The following EFCAB6 variants were observed in gnomAD, a reference collection of about 807,000 sequenced individuals.
EFCAB6 encodes EF-hand calcium binding domain 6.
Under a neutral mutation model 169.8 loss-of-function variants are expected in EFCAB6, and 156 were observed. The observed-to-expected ratio is 0.92, with a 90% CI of 0.81 to 1.05. The LOEUF is 1.05. EFCAB6 is among the 50% of genes least tolerant of loss of function. The pLI is 0.00. For synonymous variants in EFCAB6, 698 were observed against 676.4 expected (o/e 1.03, Z -0.50); for missense variants, 1,800 against 1,829.1 (o/e 0.98, Z 0.29).
chr22:43,723,735 T>C (rs2059620737), intron 8 of EFCAB6, among the ~76,000 whole-genome samples: 1 of 152,186 alleles, frequency 6.6e-6, no homozygotes, highest in Admixed American at 6.5e-5. Flanking sequence ...ATAAGCCACA[T>C]CTGGGCCCAC....
At chr22:43,542,444 G>A (rs903868894) in intron 27 of EFCAB6, among the ~76,000 whole-genome samples, 4 of 152,222 alleles carry the variant, frequency 2.6e-5, no homozygotes, top group Non-Finnish European at 4.4e-5. Flanking sequence ...GCTGGGCGTG[G>A]TGGCAGGAGC....
chr22:43,560,426 A>C (rs576555242), intron 26 of EFCAB6, among the ~76,000 whole-genome samples: 22 of 152,362 alleles, frequency 1.4e-4, no homozygotes, highest in African/African-American at 5.0e-4. Context: ...GTGAGTGGGA[A>C]CTAAGTCTCT....
chr22:43,648,132 G>T (rs1319031216), intron 17 of EFCAB6, among the ~76,000 whole-genome samples: 2 of 151,918 alleles, frequency 1.3e-5, no homozygotes, highest in African/African-American at 2.4e-5. Context: ...TATATCATAT[G>T]TATATGATAT....
At chr22:43,615,617 C>T (rs1273462143) in intron 21 of EFCAB6, among the ~76,000 whole-genome samples, 1 of 152,204 alleles carries the variant, frequency 6.6e-6, no homozygotes, top group Non-Finnish European at 1.5e-5. Flanking sequence ...GTAACTCCAA[C>T]AATTCCTTAT....
chr22:43,780,472 G>C (rs2061784509), intron 3 of EFCAB6, among the ~76,000 whole-genome samples: 1 of 104,922 alleles, frequency 9.5e-6, no homozygotes, highest in African/African-American at 3.9e-5. Context: ...GGATGACAGA[G>C]TAAGACTCTG....
At chr22:43,636,845 C>T (rs1036245951) in intron 17 of EFCAB6, among the ~76,000 whole-genome samples, 28 of 152,018 alleles carry the variant, frequency 1.8e-4, no homozygotes, top group African/African-American at 5.3e-4. Flanking sequence ...CTCCTGACCT[C>T]GTGATCCGCC....
chr22:43,712,246 G>A (rs895719272), intron 9 of EFCAB6, among the ~76,000 whole-genome samples: 3 of 152,048 alleles, frequency 2.0e-5, no homozygotes, highest in African/African-American at 4.8e-5. Flanking sequence ...CTGTGAAGAC[G>A]GGTTTTATTT....
chr22:43,572,549 GC>G lies in EFCAB6; in HGVS notation c.3420+3747del, dbSNP rs1341575113. Among the ~76,000 whole-genome samples, 3 of 152,118 alleles carry G rather than the reference GC, an allele frequency of 2.0e-5. No individual in the cohort carries two copies. Among genetic ancestry groups the G allele is most frequent in the African/African-American group, 7.2e-5 (3 of 41,414 alleles). ...GGCCGCCTGGCTCCTTCGCTCCCTG[GC>G]CCCATCTCCTTAGACCTCTCCTTCA... On this transcript the variant is annotated intron_variant, in intron 26 of 31. Transcript: ENST00000262726. This position sits in a 1 kb window ranked among gnomAD's most constrained non-coding sequence, Gnocchi z 4.0.
chr22:43,697,183 A>G (rs576301247), intron 10 of EFCAB6, among the ~76,000 whole-genome samples: 11 of 152,352 alleles, frequency 7.2e-5, no homozygotes, highest in Admixed American at 4.6e-4. Context: ...CCAGCTTAAG[A>G]ATAAATTAAC....
At chr22:43,547,269 G>A (rs1329965248) in intron 27 of EFCAB6, among the ~76,000 whole-genome samples, 5 of 152,108 alleles carry the variant, frequency 3.3e-5, no homozygotes, top group Non-Finnish European at 7.3e-5. Flanking sequence ...CCTACAGGCA[G>A]GTGAACAAAA....
chr22:43,577,998 CACTA>C (rs760894520), intron 25 of EFCAB6, among the ~76,000 whole-genome samples: 32 of 152,182 alleles, frequency 2.1e-4, no homozygotes, highest in African/African-American at 6.5e-4. Flanking sequence ...AAAGTCATGA[CACTA>C]ACTAAGGTCG....
intron 19 of EFCAB6, among the ~76,000 whole-genome samples, chr22:43,627,599 G>A (rs1290599784): frequency 6.6e-6 from 1 of 152,146 alleles, no homozygotes; most frequent in Non-Finnish European, 1.5e-5. Context: ...CTCTGCCCGG[G>A]GCCAATGCCT....
chr22:43,636,333 G>C (rs1439957432), intron 17 of EFCAB6, among the ~76,000 whole-genome samples: 1 of 152,180 alleles, frequency 6.6e-6, no homozygotes, highest in African/African-American at 2.4e-5. Context: ...GGCGGCTGGG[G>C]AGGGAACGGA....
chr22:43,625,277 T>G (rs945134503), intron 20 of EFCAB6, among the ~76,000 whole-genome samples: 2 of 152,074 alleles, frequency 1.3e-5, no homozygotes, highest in African/African-American at 4.8e-5. Flanking sequence ...CTAGAACCCC[T>G]GGGGACCGTG....
chr22:43,601,401 C>T (rs565217170), intron 22 of EFCAB6, among the ~76,000 whole-genome samples: 6 of 152,294 alleles, frequency 3.9e-5, no homozygotes, highest in Admixed American at 3.3e-4. Context: ...AAATGGCATT[C>T]GCAGATGTGA....
chr22:43,681,094 G>C (rs1483034639), intron 12 of EFCAB6, among the ~76,000 whole-genome samples: 1 of 152,048 alleles, frequency 6.6e-6, no homozygotes, highest in Admixed American at 6.6e-5. Context: ...GCTGGCTATG[G>C]GTTTGTTGTA....
chr22:43,766,973 G>A (rs2061343180), intron 4 of EFCAB6, among the ~76,000 whole-genome samples: 1 of 152,094 alleles, frequency 6.6e-6, no homozygotes, highest in Non-Finnish European at 1.5e-5. Flanking sequence ...AATTCAGTTT[G>A]AGATTATTTC....
chr22:43,623,540 T>C (rs777521913), intron 20 of EFCAB6, among the ~76,000 whole-genome samples: 1 of 151,544 alleles, frequency 6.6e-6, no homozygotes, highest in Non-Finnish European at 1.5e-5. Context: ...ATGATACAGG[T>C]GGAAAGTGAA....
At chr22:43,590,047 A>C in intron 24 of EFCAB6, 27 bp downstream of exon 24, 1 of 1,597,818 alleles carries the variant, frequency 6.3e-7, no homozygotes, top group Non-Finnish European at 8.5e-7. Context: ...GGCCATGAGA[A>C]ACATATTTAA....
Sources: allele counts gnomAD v4.1 joint callset (sites outside exome capture counted in the v4.1 genomes callset), GRCh38; gene constraint gnomAD v4.1.1; non-coding constraint Gnocchi (gnomAD v3.1); transcripts MANE v1.5; gene names NCBI Gene and HGNC (gene_info 2026-07-23, HGNC 2026-07-21).